PTPRU: variants seen among roughly 807,000 people sequenced by gnomAD.
PTPRU encodes receptor-type tyrosine-protein phosphatase U.
A neutral mutation model predicts 166.3 loss-of-function variants in PTPRU; 69 were observed. That is an observed-to-expected ratio of 0.41 (90% confidence interval 0.34 to 0.51). The LOEUF (loss-of-function observed/expected upper bound fraction) is 0.51. Ranked by LOEUF, PTPRU falls within the 20% of genes least tolerant of loss-of-function variation. PTPRU has a pLI of 0.09. For missense variants in PTPRU, 1,657 were observed against 2,013.7 expected (o/e 0.82, Z 3.39); for synonymous variants, 793 against 814.0 (o/e 0.97, Z 0.44).
At chr1:29,300,111 G>T (rs1017723479) in intron 15 of PTPRU, among the ~76,000 whole-genome samples, 1 of 152,144 alleles carries the variant, frequency 6.6e-6, no homozygotes, top group Non-Finnish European at 1.5e-5. Flanking sequence ...ATATTGGATT[G>T]TAACAATTTT....
intron 22 of PTPRU, 112 bp downstream of exon 22, chr1:29,312,818 C>T: frequency 5.1e-6 from 7 of 1,360,196 alleles, no homozygotes; most frequent in Non-Finnish European, 6.8e-6. Context: ...GGTTCTCCTG[C>T]TTAGAGATGG....
chr1:29,257,071 G>A lies in PTPRU; in HGVS notation c.206-1434G>A, dbSNP rs769750559. Among the ~76,000 whole-genome samples the A allele has an allele frequency of 3.9e-5, 6 of 152,120 alleles. No homozygotes were observed. The highest frequency in any genetic ancestry group is 5.9e-5 in the Non-Finnish European group (4 of 68,016). On this transcript the variant is annotated intron_variant, in intron 2 of 29. Coordinates refer to ENST00000373779, the MANE Select transcript of PTPRU (RefSeq NM_133178.4). This position sits in a 1 kb window ranked among gnomAD's most constrained non-coding sequence, Gnocchi z 4.6. ...AGATGGAGAGAGGAGAAGGAAGAGC[G>A]ACAGGGACAAAGGGAGTAAATGAAA...
chr1:29,323,586 A>T (rs1688264010), intron 27 of PTPRU, 45 bp from the exon 28 acceptor site: 2 of 1,611,858 alleles, frequency 1.2e-6, no homozygotes, highest in Non-Finnish European at 1.7e-6. Flanking sequence ...GGCCCCTGGG[A>T]CCCTGGTGCT....
intron 15 of PTPRU, among the ~76,000 whole-genome samples, chr1:29,293,749 C>T (rs992802627): frequency 1.3e-4 from 20 of 152,244 alleles, no homozygotes; most frequent in African/African-American, 4.6e-4. Flanking sequence ...GCTGGGATTA[C>T]AGGCGTGAGC....
intron 7 of PTPRU, among the ~76,000 whole-genome samples, chr1:29,269,620 G>A (rs917151077): frequency 2.6e-5 from 4 of 152,020 alleles, no homozygotes; most frequent in Non-Finnish European, 4.4e-5. Flanking sequence ...CGCGTTGGCC[G>A]GCAGTTGTTT....
At chr1:29,252,953 C>T (rs556908990) in intron 1 of PTPRU, among the ~76,000 whole-genome samples, 1 of 152,330 alleles carries the variant, frequency 6.6e-6, no homozygotes, top group South Asian at 2.1e-4. Flanking sequence ...CCATGACTGC[C>T]TCCTCCTCCA....
At chr1:29,305,202 G>GT in intron 17 of PTPRU, 150 bp from the exon 18 acceptor site, 1 of 719,956 alleles carries the variant, frequency 1.4e-6, no homozygotes, top group Non-Finnish European at 2.3e-6. Flanking sequence ...TGCCTCCCAT[G>GT]GTGCCCAGAG....
Position 29,326,528 on chromosome 1 carries a change from G to A in PTPRU, c.*867G>A, listed in dbSNP as rs920637726. 2 of 152,768 alleles carry A rather than the reference G, an allele frequency of 1.3e-5. No individual in the cohort carries two copies. Among genetic ancestry groups the A allele is most frequent in the Non-Finnish European group, 2.9e-5 (2 of 68,152 alleles). The allele number at this position is 152,768 out of a possible 1,614,324, so 9.5% of individuals were successfully genotyped here. On this transcript the variant is annotated 3_prime_UTR_variant, in exon 30 of 30. Coordinates refer to ENST00000373779, the MANE Select transcript of PTPRU (RefSeq NM_133178.4). Reference sequence around the variant, plus strand: ...GGCTCCTGGTCAGGCTGCCCGTTGTGGGGAGGGGCAGTGTTAGAGCAGGGC... The same window carrying A: ...GGCTCCTGGTCAGGCTGCCCGTTGTAGGGAGGGGCAGTGTTAGAGCAGGGC...
rs1182271624 is a variant in PTPRU at position 29,316,049 on chromosome 1, T to G, written c.3411T>G (p.Cys1137Trp). 1 of 1,614,038 alleles carries G rather than the reference T, an allele frequency of 6.2e-7. No individual in the cohort carries two copies. Among genetic ancestry groups the G allele is most frequent in the Admixed American group, 1.7e-5 (1 of 60,022 alleles). Residue 1137 changes from cysteine to tryptophan, a missense_variant, in exon 24 of 30, where the codon TGT becomes TGG. By Grantham distance (215) the Cys-to-Trp change is radical. Around this residue, in one of 3 missense-constraint regions of PTPRU, gnomAD observed 1,190 missense variants for 1,477.4 expected, o/e 0.81. Coordinates refer to ENST00000373779, the MANE Select transcript of PTPRU (RefSeq NM_133178.4). ...IHDAILEACL[C>W]GETTIPVSEF... ...ATGCAATCCTGGAGGCCTGCCTGTGTGGGGAGACCACCATCCCTGTCAGTG... is the reference window on the plus strand; with the variant it reads ...ATGCAATCCTGGAGGCCTGCCTGTGGGGGGAGACCACCATCCCTGTCAGTG...
chr1:29,273,760 C>T (rs1685677914), intron 7 of PTPRU, among the ~76,000 whole-genome samples: 1 of 152,108 alleles, frequency 6.6e-6, no homozygotes. Context: ...CATCAAGAAA[C>T]CGTAAAACAT....
chr1:29,244,790 TGGTTATGATTATGTAGGTTAGAACA>T (rs2151939396), intron 1 of PTPRU, among the ~76,000 whole-genome samples: 1 of 152,318 alleles, frequency 6.6e-6, no homozygotes, highest in Admixed American at 6.5e-5. Flanking sequence ...ATATGTTTTA[TGGTTATGATTATGTAGGTTAGAACA>T]GGTCCTGCAC....
At chr1:29,293,111 C>T (rs931782881) in intron 15 of PTPRU, among the ~76,000 whole-genome samples, 2 of 152,160 alleles carry the variant, frequency 1.3e-5, no homozygotes, top group Non-Finnish European at 2.9e-5. Flanking sequence ...TCCTGAGTAG[C>T]TGGGATTACA....
At chr1:29,307,072 C>T (rs867228248) in intron 18 of PTPRU, 1 of 1,590,754 alleles carries the variant, frequency 6.3e-7, no homozygotes, top group Non-Finnish European at 8.6e-7. Flanking sequence ...TCCATCTGCC[C>T]CTGGCCTAAT....
Position 29,320,525 on chromosome 1 carries a change from G to A in PTPRU, c.3688-160G>A. The A allele has an allele frequency of 3.7e-6, 3 of 811,742 alleles. No homozygotes were observed. The highest frequency in any genetic ancestry group is 5.3e-6 in the Non-Finnish European group (3 of 567,182). The allele number at this position is 811,742 out of a possible 1,614,324, so 50.3% of individuals were successfully genotyped here. A position where few individuals can be genotyped will look rare whatever the true frequency, so the allele number is the denominator to read the frequency against. ...ACCCTGTCAACCCAGGCCTCAGTGT[G>A]CCAACCAACATCAGAAATGGCCCAC... On this transcript the variant is annotated intron_variant, in intron 25 of 29. Transcript: ENST00000373779. This position sits in a 1 kb window ranked among gnomAD's most constrained non-coding sequence, Gnocchi z 5.2.
At chr1:29,325,118 C>G in intron 28 of PTPRU, 73 bp from the exon 29 acceptor site, 1 of 1,581,278 alleles carries the variant, frequency 6.3e-7, no homozygotes. Flanking sequence ...GCCCCTCCCT[C>G]GTGGTTCCCT....
intron 18 of PTPRU, among the ~76,000 whole-genome samples, chr1:29,310,459 T>C (rs1687597141): frequency 6.6e-6 from 1 of 152,042 alleles, no homozygotes; most frequent in African/African-American, 2.4e-5. Flanking sequence ...CTCCACTTTA[T>C]GGGTGGGGGG....
chr1:29,248,543 C>G (rs1034372520), intron 1 of PTPRU, among the ~76,000 whole-genome samples: 7 of 152,170 alleles, frequency 4.6e-5, no homozygotes, highest in Non-Finnish European at 8.8e-5. Context: ...TGGGACCACT[C>G]TTGGGAATTG....
Position 29,236,601 on chromosome 1 carries a change from C to G in PTPRU, c.-44C>G. On this transcript the variant is annotated 5_prime_UTR_variant, in exon 1 of 30. Transcript: ENST00000373779. The surrounding 1 kb of genome is among the most constrained non-coding windows in gnomAD (Gnocchi z 4.6). ...GGCTGGGCTCGGGCTCCGGGGGCGGCGTCCCCCGCGCCGGGCCCCGGGACG... is the reference window on the plus strand; with the variant it reads ...GGCTGGGCTCGGGCTCCGGGGGCGGGGTCCCCCGCGCCGGGCCCCGGGACG... 2 of 1,207,884 alleles carry G rather than the reference C, an allele frequency of 1.7e-6. No individual in the cohort carries two copies. The highest frequency in any genetic ancestry group is 2.1e-6 in the Non-Finnish European group (2 of 972,070). The allele number at this position is 1,207,884 out of a possible 1,614,324, so 74.8% of individuals were successfully genotyped here. A position where few individuals can be genotyped will look rare whatever the true frequency, so the allele number is the denominator to read the frequency against.
chr1:29,324,002 A>G (rs1293517275), intron 28 of PTPRU, among the ~76,000 whole-genome samples: 1 of 152,202 alleles, frequency 6.6e-6, no homozygotes, highest in African/African-American at 2.4e-5. Context: ...GCCCTGAACA[A>G]CTGCCCAGTA....
Sources: gnomAD v4.1 joint callset for allele counts (sites outside exome capture counted in the v4.1 genomes callset) on GRCh38, gnomAD v4.1.1 for gene constraint, gnomAD v4.1.1 regional missense constraint, Gnocchi (gnomAD v3.1) non-coding constraint, MANE v1.5 for transcripts, NCBI Gene and HGNC (gene_info 2026-07-23, HGNC 2026-07-21) for gene names.